The following ZFYVE9 variants were observed in gnomAD, a reference collection of about 807,000 sequenced individuals.
ZFYVE9 encodes the protein zinc finger FYVE domain-containing protein 9.
ZFYVE9 carries 43 observed loss-of-function variants against 126.7 expected under a neutral mutation model. The ratio of observed to expected loss-of-function variants is 0.34; its 90% CI spans 0.27 to 0.44. The LOEUF (loss-of-function observed/expected upper bound fraction) is 0.44, where lower values mean the gene tolerates loss of function less well. Among genes scored for constraint, ZFYVE9 ranks in the 20% least tolerant of loss-of-function variants. ZFYVE9 has a pLI of 1.00. For missense variants in ZFYVE9, 1,476 were observed against 1,697.0 expected (o/e 0.87, Z 2.29); for synonymous variants, 521 against 597.4 (o/e 0.87, Z 1.87).
chr1:52,268,597 G>A lies in ZFYVE9; in HGVS notation c.2590G>A (p.Val864Ile). 1 of 1,614,070 alleles carries A rather than the reference G, an allele frequency of 6.2e-7. No individual in the cohort carries two copies. Among genetic ancestry groups the A allele is most frequent in the South Asian group, 1.1e-5 (1 of 91,074 alleles). ...AACCCTGGCTGTGTCACACGACCCAGTCAAGCCAGTAACTACCAGTCCTCT... is the reference window on the plus strand; with the variant it reads ...AACCCTGGCTGTGTCACACGACCCAATCAAGCCAGTAACTACCAGTCCTCT... ...AGTLAVSHDP[V>I]KPVTTSPLPA... The change falls in exon 7 of 19, where the codon GTC (valine) becomes ATC (isoleucine). Residue 864 changes from valine (V) to isoleucine (I), a missense_variant. Around this residue, in one of 2 missense-constraint regions of ZFYVE9, gnomAD observed 669 missense variants for 902.4 expected, o/e 0.74. Transcript: ENST00000287727.
chr1:52,345,509 C>T (rs938952126), intron 18 of ZFYVE9, among the ~76,000 whole-genome samples: 18 of 152,338 alleles, frequency 1.2e-4, no homozygotes, highest in African/African-American at 4.1e-4. Context: ...TTCTGCTTAA[C>T]GGCTTGCCCA....
intron 1 of ZFYVE9, among the ~76,000 whole-genome samples, chr1:52,168,487 G>C (rs900447970): frequency 1.3e-5 from 2 of 150,916 alleles, no homozygotes; most frequent in South Asian, 2.1e-4. Flanking sequence ...AAAGTGCTAG[G>C]ATTACAGGCG....
intron 1 of ZFYVE9, among the ~76,000 whole-genome samples, chr1:52,148,062 G>A (rs1460601696): frequency 3.3e-5 from 5 of 151,940 alleles, no homozygotes. Context: ...TTACAGGCAT[G>A]AGCCACCATG....
chr1:52,189,867 A>G (rs1164471769), intron 1 of ZFYVE9: 1 of 152,030 alleles, frequency 6.6e-6, no homozygotes, highest in Non-Finnish European at 1.5e-5. Flanking sequence ...AACATCCAAC[A>G]CCATTTGTTG....
chr1:52,315,737 A>C (rs891352686), intron 13 of ZFYVE9, among the ~76,000 whole-genome samples: 1 of 152,252 alleles, frequency 6.6e-6, no homozygotes, highest in Non-Finnish European at 1.5e-5. Context: ...CAAGATAGTA[A>C]ATTTAAATCC....
intron 15 of ZFYVE9, chr1:52,334,989 A>G (rs1646375899): frequency 2.5e-6 from 1 of 392,934 alleles, no homozygotes; most frequent in Non-Finnish European, 4.6e-6. Context: ...ATGGCCTTTC[A>G]GAGCTCTGGG....
chr1:52,259,417 A>T (rs114624911), intron 4 of ZFYVE9, among the ~76,000 whole-genome samples: 1 of 152,238 alleles, frequency 6.6e-6, no homozygotes, highest in Admixed American at 6.5e-5. Context: ...TTCTAATTTA[A>T]AAAGTACAGA....
At chr1:52,280,523 A>G (rs1007913463) in intron 9 of ZFYVE9, among the ~76,000 whole-genome samples, 4 of 152,146 alleles carry the variant, frequency 2.6e-5, no homozygotes, top group Non-Finnish European at 5.9e-5. Context: ...TTTGATTTAC[A>G]TGGTGGTATT....
chr1:52,219,314 T>C (rs1034471404), intron 2 of ZFYVE9, among the ~76,000 whole-genome samples: 2 of 152,132 alleles, frequency 1.3e-5, no homozygotes, highest in Non-Finnish European at 2.9e-5. Context: ...AAAGGAAGAA[T>C]AAAAAGACAG....
At chr1:52,249,884 A>G (rs968511564) in intron 4 of ZFYVE9, among the ~76,000 whole-genome samples, 1 of 152,176 alleles carries the variant, frequency 6.6e-6, no homozygotes, top group Non-Finnish European at 1.5e-5. Context: ...TTCTGTTCCT[A>G]TGGAATGGTT....
At position 52,143,849 on chromosome 1, in the gene ZFYVE9, T is replaced by G. The variant is rs148232158; in HGVS notation, c.-143+1446T>G. Among the ~76,000 whole-genome samples, 29 of 152,350 alleles carry G rather than the reference T, an allele frequency of 1.9e-4. No homozygotes were observed. In the East Asian group the frequency reaches 5.2e-3, roughly 27 times the overall value. ...GGGAGAAAGTTTGGCATGGTACACG[T>G]TTTTGAAGACCTACTGTGTTAGATG... On this transcript the variant is annotated intron_variant, in intron 1 of 18. Coordinates refer to ENST00000287727, the MANE Select transcript of ZFYVE9 (RefSeq NM_004799.4).
chr1:52,295,906 C>T lies in ZFYVE9; in HGVS notation c.3262C>T (p.Pro1088Ser). ...TCTCATTTCCATAGTTTATCCATGC[C>T]CACTATTCAGTGTCAGATTTCGGAA... is the stretch of plus-strand genomic sequence containing the variant. ...LGAEYRLYPC[P>S]LFSVRFRKPL... Residue 1088 changes from proline (P) to serine (S), a missense_variant, in exon 12 of 19, where the codon CCA becomes TCA. Transcript: ENST00000287727. The T allele has an allele frequency of 6.2e-7, 1 of 1,613,224 alleles. No individual in the cohort carries two copies. The highest frequency in any genetic ancestry group is 1.1e-5 in the South Asian group (1 of 90,940).
chr1:52,220,636 T>A (rs1304022756), intron 2 of ZFYVE9, among the ~76,000 whole-genome samples: 1 of 152,172 alleles, frequency 6.6e-6, no homozygotes, highest in Non-Finnish European at 1.5e-5. Context: ...AGGGCTACAT[T>A]GCACATAGCT....
At chr1:52,321,060 C>T (rs1311600239) in intron 13 of ZFYVE9, among the ~76,000 whole-genome samples, 1 of 152,082 alleles carries the variant, frequency 6.6e-6, no homozygotes, top group Non-Finnish European at 1.5e-5. Context: ...GGTTGTGATA[C>T]AAGAATCTGT....
chr1:52,232,801 C>T (rs1301137000), intron 2 of ZFYVE9, among the ~76,000 whole-genome samples: 2 of 150,126 alleles, frequency 1.3e-5, no homozygotes, highest in Admixed American at 6.6e-5. Context: ...AACTAGTATC[C>T]GTTACTCCTG....
intron 2 of ZFYVE9, among the ~76,000 whole-genome samples, chr1:52,222,882 T>C (rs1418940793): frequency 1.3e-5 from 2 of 152,210 alleles, no homozygotes; most frequent in African/African-American, 4.8e-5. Context: ...AATAAATTAG[T>C]TCCTGCTTTG....
chr1:52,255,898 T>TTTTTTTC (rs1645503102), intron 4 of ZFYVE9, among the ~76,000 whole-genome samples: 1 of 102,056 alleles, frequency 9.8e-6, no homozygotes, highest in Non-Finnish European at 2.0e-5. Flanking sequence ...CTATTTTGCT[T>TTTTTTTC]TTTTCTTTTC....
intron 4 of ZFYVE9, among the ~76,000 whole-genome samples, chr1:52,242,531 T>A (rs1645344735): frequency 6.6e-6 from 1 of 152,134 alleles, no homozygotes; most frequent in Non-Finnish European, 1.5e-5. Context: ...TGTTTCTTAA[T>A]GCAGCAGTAC....
chr1:52,270,089 T>C (rs1231676577), intron 7 of ZFYVE9, among the ~76,000 whole-genome samples: 2 of 152,200 alleles, frequency 1.3e-5, no homozygotes, highest in East Asian at 3.8e-4. Context: ...CGCTTTTTTT[T>C]TATGACCCAT....
Sources: allele counts gnomAD v4.1 joint callset (sites outside exome capture counted in the v4.1 genomes callset), GRCh38; gene constraint gnomAD v4.1.1; regional missense constraint gnomAD v4.1.1; transcripts MANE v1.5; gene names NCBI Gene and HGNC (gene_info 2026-07-23, HGNC 2026-07-21).